CNDP2: variants seen among roughly 807,000 people sequenced by gnomAD.
CNDP2 encodes the protein carnosine dipeptidase 2, also known as cytosolic non-specific dipeptidase.
Under a neutral mutation model 55.0 loss-of-function variants are expected in CNDP2, and 38 were observed. The ratio of observed to expected loss-of-function variants is 0.69; its 90% CI spans 0.53 to 0.90. The LOEUF (loss-of-function observed/expected upper bound fraction) is 0.90. Among genes scored for constraint, CNDP2 ranks in the 40% least tolerant of loss-of-function variants. The pLI is 0.00. For missense variants in CNDP2, 607 were observed against 621.7 expected, an observed-to-expected ratio of 0.98 and a Z score of 0.25; for synonymous variants, 241 against 260.2, an observed-to-expected ratio of 0.93 and a Z score of 0.71.
At chr18:74,514,763 G>A (rs1979574627) in intron 8 of CNDP2, among the ~76,000 whole-genome samples, 1 of 152,242 alleles carries the variant, frequency 6.6e-6, no homozygotes, top group South Asian at 2.1e-4. Flanking sequence ...GCAGGCTGTA[G>A]GGTTATGCAG....
chr18:74,504,500 C>T (rs1345592328), intron 3 of CNDP2, among the ~76,000 whole-genome samples: 2 of 152,266 alleles, frequency 1.3e-5, no homozygotes, highest in Non-Finnish European at 2.9e-5. Context: ...TGCTTGTACA[C>T]TTAGAGCTGG....
chr18:74,518,453 G>T (rs735076), intron 9 of CNDP2, 46 bp from the exon 10 acceptor site: 1 of 1,609,506 alleles, frequency 6.2e-7, no homozygotes, highest in Non-Finnish European at 8.5e-7. Context: ...TGGATCAAAT[G>T]CAAGCTTATA....
rs778545650 is a variant in CNDP2 at position 74,512,541 on chromosome 18, G to A, written c.742+9G>A. On this transcript the variant is annotated intron_variant, in intron 7 of 11. Transcript: ENST00000324262. Reference sequence around the variant, plus strand: ...TCTCATTTTGCTGATGGGTAAGTGCGGGATGGCATTCAGTCCGCAGTTGAG... The same window carrying A: ...TCTCATTTTGCTGATGGGTAAGTGCAGGATGGCATTCAGTCCGCAGTTGAG... The A allele has an allele frequency of 1.5e-5, 24 of 1,612,698 alleles. No individual in the cohort carries two copies. The highest frequency in any genetic ancestry group is 5.3e-5 in the African/African-American group (4 of 74,854).
intron 9 of CNDP2, chr18:74,517,777 T>A (rs1979771157): frequency 6.6e-6 from 1 of 152,084 alleles, no homozygotes; most frequent in Non-Finnish European, 1.5e-5. Flanking sequence ...AGTGTAGTCA[T>A]AATGGAGTTT....
rs1978999394 is a variant in CNDP2 at position 74,506,000 on chromosome 18, T to A, written c.356T>A (p.Val119Glu). 1 of 1,591,778 alleles carries A rather than the reference T, an allele frequency of 6.3e-7. No individual in the cohort carries two copies. Among genetic ancestry groups the A allele is most frequent in the African/African-American group, 1.4e-5 (1 of 73,318 alleles). Residue 119 changes from valine (V) to glutamate (E), a missense_variant, in exon 4 of 12, where the codon GTG becomes GAG. By Grantham distance (121) the Val-to-Glu change is moderately radical. Transcript: ENST00000324262. ...DGWDSEPFTL[V>E]ERDGKLYGRG... ...TGGGACAGCGAGCCCTTCACCCTGGTGGAGCGAGACGGTGAGCGCCGCGCG... is the reference window on the plus strand; with the variant it reads ...TGGGACAGCGAGCCCTTCACCCTGGAGGAGCGAGACGGTGAGCGCCGCGCG...
intron 3 of CNDP2, among the ~76,000 whole-genome samples, chr18:74,503,152 T>C (rs906139028): frequency 2.0e-5 from 3 of 151,978 alleles, no homozygotes; most frequent in Admixed American, 1.3e-4. Flanking sequence ...ACAATAGTTA[T>C]ATTTACTTCG....
At position 74,522,558 on chromosome 18, in the gene CNDP2, GTCC is replaced by G. The variant is rs1267404806; in HGVS notation, c.*2495_*2497del. Reference sequence around the variant, plus strand: ...GAGCTGGTCAGGCCATGAGGGCCCTGTCCTCCTGACTGAGTGAATGCTGTTATT... The same window carrying G: ...GAGCTGGTCAGGCCATGAGGGCCCTGTCCTGACTGAGTGAATGCTGTTATT... On this transcript the variant is annotated 3_prime_UTR_variant, in exon 12 of 12. Transcript: ENST00000324262. The G allele has an allele frequency of 2.6e-5, 4 of 152,302 alleles. No individual in the cohort carries two copies. The highest frequency in any genetic ancestry group is 5.9e-5 in the Non-Finnish European group (4 of 68,094). 9.4% of individuals were successfully genotyped at this position (152,302 alleles called of 1,614,324 possible).
chr18:74,522,862 T>TCAC lies in CNDP2; in HGVS notation c.*2794_*2795insCAC, dbSNP rs1980133096. 6.6e-6 allele frequency: 1 copy of TCAC among 152,318 alleles called. No homozygotes were observed. Among genetic ancestry groups the TCAC allele is most frequent in the Non-Finnish European group, 1.5e-5 (1 of 68,090 alleles). 9.4% of individuals were successfully genotyped at this position (152,318 alleles called of 1,614,324 possible). On this transcript the variant is annotated 3_prime_UTR_variant, in exon 12 of 12. Transcript: ENST00000324262. ...CACCGTGCTAACACGTGCAGCAGCC[T>TCAC]GTGTGGCTCAGGCCAGTCAGCTTCC...
At chr18:74,508,784 C>A in intron 4 of CNDP2, 56 bp from the exon 5 acceptor site, 1 of 1,451,118 alleles carries the variant, frequency 6.9e-7, no homozygotes, top group Non-Finnish European at 9.7e-7. Flanking sequence ...CTGAGACACG[C>A]TGCTTCTGGG....
At chr18:74,505,410 G>A (rs371987194) in intron 3 of CNDP2, among the ~76,000 whole-genome samples, 2 of 151,934 alleles carry the variant, frequency 1.3e-5, no homozygotes, top group African/African-American at 2.4e-5. Flanking sequence ...ACCACCGTGC[G>A]GGCAACAGTG....
At chr18:74,499,689 T>C in intron 1 of CNDP2, 193 bp from the exon 2 acceptor site, 5 of 388,058 alleles carry the variant, frequency 1.3e-5, no homozygotes, top group Non-Finnish European at 2.3e-5. Context: ...TTACCTGCCA[T>C]CTGACACGGA....
chr18:74,519,255 G>A (rs752827428), intron 11 of CNDP2, among the ~76,000 whole-genome samples, 159 bp downstream of exon 11: 14 of 152,314 alleles, frequency 9.2e-5, no homozygotes, highest in Non-Finnish European at 1.8e-4. Flanking sequence ...CTTCAGATGG[G>A]AGGCAGGACG....
chr18:74,503,293 A>G (rs903603364), intron 3 of CNDP2, among the ~76,000 whole-genome samples: 2 of 152,180 alleles, frequency 1.3e-5, no homozygotes, highest in Non-Finnish European at 2.9e-5. Flanking sequence ...CACTGGTGGA[A>G]TCTTCTGCAG....
intron 2 of CNDP2, 65 bp from the exon 3 acceptor site, chr18:74,501,264 C>A: frequency 6.4e-7 from 1 of 1,558,052 alleles, no homozygotes; most frequent in Admixed American, 1.9e-5. Flanking sequence ...GGCAACGTTA[C>A]GGGAGCCTCT....
intron 4 of CNDP2, among the ~76,000 whole-genome samples, chr18:74,506,562 C>G (rs940313851): frequency 1.3e-5 from 2 of 152,246 alleles, no homozygotes; most frequent in African/African-American, 4.8e-5. Flanking sequence ...CAGGCTTCCT[C>G]TACTGCTGAT....
chr18:74,511,317 T>C (rs1048360223), intron 6 of CNDP2: 1 of 358,504 alleles, frequency 2.8e-6, no homozygotes, highest in Non-Finnish European at 5.0e-6. Flanking sequence ...TGCAAACACA[T>C]ACAAAGCATT....
chr18:74,509,951 C>T (rs1979246740), intron 5 of CNDP2, among the ~76,000 whole-genome samples: 1 of 152,212 alleles, frequency 6.6e-6, no homozygotes, highest in African/African-American at 2.4e-5. Flanking sequence ...GGGGAGGTGA[C>T]ACCCAGAACC....
At chr18:74,519,946 T>C (rs568734475) in intron 11 of CNDP2, 53 bp from the exon 12 acceptor site, 1 of 1,543,530 alleles carries the variant, frequency 6.5e-7, no homozygotes, top group Non-Finnish European at 8.9e-7. Context: ...ACCCCACACC[T>C]GGGTGTTGGC....
At chr18:74,512,171 C>A in intron 6 of CNDP2, 1 of 379,930 alleles carries the variant, frequency 2.6e-6, no homozygotes, top group East Asian at 5.3e-5. Context: ...CTAGCAAAGG[C>A]TTTGAGTGGT....
Sources: gnomAD v4.1 joint callset for allele counts (sites outside exome capture counted in the v4.1 genomes callset) on GRCh38, gnomAD v4.1.1 for gene constraint, MANE v1.5 for transcripts, NCBI Gene and HGNC (gene_info 2026-07-23, HGNC 2026-07-21) for gene names.